Variants in FBXL20 observed in about 807,000 individuals in gnomAD.
FBXL20 encodes the protein F-box and leucine rich repeat protein 20, also known as F-box/LRR-repeat protein 20.
In FBXL20, 11 loss-of-function variants were observed where a neutral mutation model predicts 64.0. That is an observed-to-expected ratio of 0.17 (90% CI 0.11 to 0.28). The LOEUF (loss-of-function observed/expected upper bound fraction) is 0.28, where lower values mean the gene tolerates loss of function less well. Ranked by LOEUF, FBXL20 falls within the 10% of genes least tolerant of loss-of-function variation. The probability of loss-of-function intolerance (pLI) is 1.00; values close to 1 mark genes in which losing one functional copy is unlikely to be tolerated. For missense variants in FBXL20, 303 were observed against 526.2 expected, an observed-to-expected ratio of 0.58 and a Z score of 4.15; for synonymous variants, 184 against 189.0, an observed-to-expected ratio of 0.97 and a Z score of 0.22.
intron 1 of FBXL20, among the ~76,000 whole-genome samples, chr17:39,353,363 G>A (rs1380144950): frequency 1.3e-5 from 2 of 152,060 alleles, no homozygotes; most frequent in African/African-American, 4.8e-5. Context: ...TCTGAAAACA[G>A]GTTAGTAAAA....
At chr17:39,394,416 G>A (rs898955416) in intron 1 of FBXL20, among the ~76,000 whole-genome samples, 7 of 151,404 alleles carry the variant, frequency 4.6e-5, no homozygotes, top group Non-Finnish European at 1.0e-4. Context: ...GGGACTACAG[G>A]CACCTGCCAC....
intron 2 of FBXL20, among the ~76,000 whole-genome samples, chr17:39,318,373 C>T (rs1567877692): frequency 1.3e-5 from 2 of 152,250 alleles, no homozygotes; most frequent in South Asian, 2.1e-4. Flanking sequence ...ATAGCCAAGT[C>T]CTTGGAAAGC....
At chr17:39,265,062 T>TG (rs1366174637) in intron 13 of FBXL20, among the ~76,000 whole-genome samples, 3 of 152,206 alleles carry the variant, frequency 2.0e-5, no homozygotes, top group Admixed American at 2.0e-4. Flanking sequence ...CATCTTAAGG[T>TG]GAAGCAAATT....
chr17:39,338,509 CGAGAAACACCAGAATGATCAAT>C, intron 2 of FBXL20, among the ~76,000 whole-genome samples: 1 of 150,080 alleles, frequency 6.7e-6, no homozygotes. Flanking sequence ...TCCCCCTCTG[CGAGAAACACCAGAATGATCAAT>C]AAAAAATAAT....
At chr17:39,362,649 C>T (rs1173802951) in intron 1 of FBXL20, among the ~76,000 whole-genome samples, 4 of 138,654 alleles carry the variant, frequency 2.9e-5, no homozygotes, top group Admixed American at 7.5e-5. Context: ...GACAGAGTCT[C>T]GCTCTGTCAA....
chr17:39,361,418 A>C (rs2047792406), intron 1 of FBXL20, among the ~76,000 whole-genome samples: 1 of 152,208 alleles, frequency 6.6e-6, no homozygotes, highest in Non-Finnish European at 1.5e-5. Flanking sequence ...AGAACTGAGA[A>C]TATTGAGAGC....
In FBXL20 at chr17:39,259,367, TTAA is replaced by T. The variant is rs2046724812; in HGVS notation, c.*2090_*2092del. On this transcript the variant is annotated 3_prime_UTR_variant, in exon 15 of 15. Transcript: ENST00000264658. Reference sequence around the variant, plus strand: ...TTAATAGTCTGGATCATATAGAAGATTAATATTATGATGGATTGCACATTAATG... The same window carrying T: ...TTAATAGTCTGGATCATATAGAAGATTATTATGATGGATTGCACATTAATG... The T allele has an allele frequency of 1.3e-5, 2 of 151,916 alleles. No individual in the cohort carries two copies. Among genetic ancestry groups the T allele is most frequent in the Admixed American group, 1.3e-4 (2 of 15,264 alleles). The allele number at this position is 151,916 out of a possible 1,614,324, so 9.4% of individuals were successfully genotyped here. A position where few individuals can be genotyped will look rare whatever the true frequency, so the allele number is the denominator to read the frequency against.
intron 2 of FBXL20, among the ~76,000 whole-genome samples, chr17:39,332,103 A>G (rs776178719): frequency 1.3e-5 from 2 of 152,238 alleles, no homozygotes; most frequent in Non-Finnish European, 2.9e-5. Flanking sequence ...GTTCTTAACT[A>G]TTAATGCTTT....
intron 2 of FBXL20, among the ~76,000 whole-genome samples, chr17:39,304,444 A>G (rs1331209359): frequency 1.3e-5 from 2 of 151,650 alleles, no homozygotes; most frequent in East Asian, 3.9e-4. Flanking sequence ...CATGCCACAA[A>G]GCCTGGCTAA....
chr17:39,317,709 T>G (rs1188639119), intron 2 of FBXL20, among the ~76,000 whole-genome samples: 2 of 102,330 alleles, frequency 2.0e-5, no homozygotes, highest in African/African-American at 5.8e-5. Context: ...TTGTTTTTTT[T>G]TTTTTTTTTT....
chr17:39,339,604 T>C (rs2047562342), intron 2 of FBXL20, among the ~76,000 whole-genome samples: 1 of 152,142 alleles, frequency 6.6e-6, no homozygotes, highest in South Asian at 2.1e-4. Flanking sequence ...AAAAAAAGAA[T>C]ACTACCGTAC....
At chr17:39,375,761 AG>A (rs1213804276) in intron 1 of FBXL20, among the ~76,000 whole-genome samples, 1 of 152,212 alleles carries the variant, frequency 6.6e-6, no homozygotes, top group Non-Finnish European at 1.5e-5. Flanking sequence ...GCTGAATCTC[AG>A]TAAGACTAGA....
At chr17:39,300,436 A>G (rs988482590) in intron 4 of FBXL20, among the ~76,000 whole-genome samples, 3 of 152,140 alleles carry the variant, frequency 2.0e-5, no homozygotes, top group Non-Finnish European at 4.4e-5. Context: ...AAATAATTTA[A>G]GTGTAAGCCA....
At chr17:39,270,419 T>C (rs1368927968) in intron 11 of FBXL20, among the ~76,000 whole-genome samples, 2 of 151,988 alleles carry the variant, frequency 1.3e-5, no homozygotes, top group Non-Finnish European at 2.9e-5. Context: ...TGGCACATGC[T>C]TGTAATCCCA....
intron 1 of FBXL20, among the ~76,000 whole-genome samples, chr17:39,356,476 C>A (rs975388050): frequency 3.2e-4 from 48 of 152,156 alleles, no homozygotes; most frequent in African/African-American, 1.2e-3. Context: ...CCATCTCAGC[C>A]CCCCAAGTGG....
chr17:39,396,079 A>AG (rs2048180404), intron 1 of FBXL20, among the ~76,000 whole-genome samples: 1 of 151,636 alleles, frequency 6.6e-6, no homozygotes, highest in South Asian at 2.1e-4. Flanking sequence ...TCGAAAAAAA[A>AG]AAAAAAAGGT....
chr17:39,397,792 T>C (rs2048197859), intron 1 of FBXL20, among the ~76,000 whole-genome samples: 1 of 151,236 alleles, frequency 6.6e-6, no homozygotes, highest in South Asian at 2.1e-4. Flanking sequence ...AAAGCTCTTT[T>C]CCACAAATTT....
intron 2 of FBXL20, among the ~76,000 whole-genome samples, chr17:39,333,160 CGTCTCCCTCTTTGCACG>C (rs927004936): frequency 9.0e-4 from 137 of 152,202 alleles, no homozygotes; most frequent in African/African-American, 3.0e-3. Context: ...CCTCCCTCTC[CGTCTCCCTCTTTGCACG>C]GTCTCCCTCT....
chr17:39,322,495 T>C (rs945021426), intron 2 of FBXL20, among the ~76,000 whole-genome samples: 1 of 152,130 alleles, frequency 6.6e-6, no homozygotes, highest in Admixed American at 6.6e-5. Flanking sequence ...ATTAAAAAAT[T>C]TTTTAATTTG....
Sources: allele counts gnomAD v4.1 joint callset (sites outside exome capture counted in the v4.1 genomes callset), GRCh38; gene constraint gnomAD v4.1.1; transcripts MANE v1.5; gene names NCBI Gene and HGNC (gene_info 2026-07-23, HGNC 2026-07-21).